Variants in BTAF1 observed in about 807,000 individuals in gnomAD.
The protein encoded by BTAF1 is TATA-binding protein-associated factor 172.
A neutral mutation model predicts 227.1 loss-of-function variants in BTAF1; 38 were observed. The observed-to-expected ratio is 0.17, with a 90% CI of 0.13 to 0.22. The LOEUF is 0.22. BTAF1 is among the 10% of genes least tolerant of loss of function. The pLI is 1.00. For synonymous variants in BTAF1, 742 were observed against 751.9 expected (o/e 0.99, Z 0.21); for missense variants, 1,598 against 2,204.0 (o/e 0.73, Z 5.51).
chr10:92,020,286 A>ATT (rs1851035401), intron 34 of BTAF1, among the ~76,000 whole-genome samples: 1 of 152,062 alleles, frequency 6.6e-6, no homozygotes, highest in African/African-American at 2.4e-5. Context: ...TGCATACTCT[A>ATT]TCATTTTGCT....
intron 37 of BTAF1, 38 bp downstream of exon 37, chr10:92,027,338 C>A: frequency 6.4e-7 from 1 of 1,550,418 alleles, no homozygotes; most frequent in Non-Finnish European, 8.7e-7. Context: ...CTTTGAGTCA[C>A]AGGCTTCCTG....
intron 4 of BTAF1, among the ~76,000 whole-genome samples, chr10:91,943,728 CTAAA>C (rs1372982762): frequency 2.0e-5 from 3 of 152,082 alleles, no homozygotes; most frequent in Non-Finnish European, 2.9e-5. Flanking sequence ...ATTTATATCA[CTAAA>C]TAGTAAGTTT....
chr10:91,993,347 C>G (rs74149350), intron 21 of BTAF1, among the ~76,000 whole-genome samples: 2,051 of 152,212 alleles, frequency 0.013, 47 homozygotes, highest in African/African-American at 0.045. Context: ...ATCACTTCAT[C>G]TATCTTCTCT....
intron 37 of BTAF1, 27 bp from the exon 38 acceptor site, chr10:92,028,763 T>A (rs768864101): frequency 5.7e-6 from 9 of 1,570,674 alleles, no homozygotes; most frequent in African/African-American, 4.2e-5. Context: ...CATTTTATTT[T>A]TTTTTTTTTT....
chr10:91,933,542 TATA>T (rs1366636389), intron 1 of BTAF1, among the ~76,000 whole-genome samples: 1 of 152,126 alleles, frequency 6.6e-6, no homozygotes, highest in African/African-American at 2.4e-5. Flanking sequence ...AACAGGGTAA[TATA>T]ATGTGCAACT....
chr10:91,944,269 C>G (rs1845215545), intron 4 of BTAF1, among the ~76,000 whole-genome samples: 1 of 152,118 alleles, frequency 6.6e-6, no homozygotes, highest in Non-Finnish European at 1.5e-5. Context: ...GCTTGCTGAA[C>G]AGTGCTTGTT....
intron 14 of BTAF1, among the ~76,000 whole-genome samples, chr10:91,968,897 C>T (rs1423326541): frequency 6.6e-6 from 1 of 151,882 alleles, no homozygotes; most frequent in Non-Finnish European, 1.5e-5. Context: ...ATTTTTGAGA[C>T]AAGGTCTCAC....
At chr10:91,994,674 T>C in intron 23 of BTAF1, 30 bp downstream of exon 23, 3 of 1,547,802 alleles carry the variant, frequency 1.9e-6, no homozygotes, top group Non-Finnish European at 2.7e-6. Flanking sequence ...GTAATATTTC[T>C]TCAAATAAAA....
At chr10:91,925,252 G>C (rs982348137) in intron 1 of BTAF1, among the ~76,000 whole-genome samples, 6 of 152,084 alleles carry the variant, frequency 3.9e-5, no homozygotes, top group African/African-American at 1.4e-4. Flanking sequence ...TGCCTTGAGA[G>C]AATACAAGTG....
At chr10:91,977,112 G>C (rs1043127114) in intron 14 of BTAF1, among the ~76,000 whole-genome samples, 2 of 152,166 alleles carry the variant, frequency 1.3e-5, no homozygotes, top group African/African-American at 4.8e-5. Flanking sequence ...GAGCAGAATG[G>C]CACTAAATAA....
intron 11 of BTAF1, among the ~76,000 whole-genome samples, chr10:91,962,165 A>G (rs964141729): frequency 4.6e-5 from 7 of 152,208 alleles, no homozygotes; most frequent in African/African-American, 1.7e-4. Context: ...CCATAAGATT[A>G]TAATACTGTA....
intron 26 of BTAF1, 62 bp downstream of exon 26, chr10:92,008,337 T>TG (rs113804327): frequency 0.26 from 348,743 of 1,356,820 alleles, 47,128 homozygotes; most frequent in African/African-American, 0.58. Flanking sequence ...GTGGGTTTGT[T>TG]GGGGGGGGCT....
At position 91,957,292 on chromosome 10, in the gene BTAF1, A is replaced by T. The variant is rs1846170322; in HGVS notation, c.899A>T (p.Glu300Val). The T allele has an allele frequency of 6.2e-7, 1 of 1,608,620 alleles. No individual in the cohort carries two copies. The highest frequency in any genetic ancestry group is 8.5e-7 in the Non-Finnish European group (1 of 1,176,238). Residue 300 changes from glutamate (E) to valine (V), a missense_variant and splice_region_variant, in exon 8 of 38, where the codon GAG (glutamate) becomes GTG (valine). This residue lies in a region of BTAF1 where 298 missense variants were observed against 395.2 expected (regional missense o/e 0.75). Coordinates refer to ENST00000265990, the MANE Select transcript of BTAF1 (RefSeq NM_003972.3). ...AATGACCTTTTTAATCCCTCCTGGG[A>T]GGTAAGATTTCTTCATTACAGTTTT... is the stretch of plus-strand genomic sequence containing the variant. ...LCNDLFNPSW[E>V]VRHGAGTGLR...
At chr10:92,004,936 C>A (rs1473345625) in intron 25 of BTAF1, among the ~76,000 whole-genome samples, 2 of 152,150 alleles carry the variant, frequency 1.3e-5, no homozygotes. Flanking sequence ...GTGTAAGATA[C>A]AAAGGTCCAG....
rs1056697978 is a variant in BTAF1, at chr10:92,031,265, T to G, written c.*2332T>G. 7.9e-5 allele frequency among the ~76,000 whole-genome samples: 12 copies of G among 152,330 alleles called. No homozygotes were observed. Among genetic ancestry groups the G allele is most frequent in the African/African-American group, 2.9e-4 (12 of 41,572 alleles). ...AATTTTTGTTTCATATATTCACTCATATATATGCTTATTGTATATGCTTAT... is the reference window on the plus strand; with the variant it reads ...AATTTTTGTTTCATATATTCACTCAGATATATGCTTATTGTATATGCTTAT... On this transcript the variant is annotated 3_prime_UTR_variant, in exon 38 of 38. Transcript: ENST00000265990.
intron 4 of BTAF1, among the ~76,000 whole-genome samples, chr10:91,944,669 G>A (rs1364746121): frequency 6.6e-6 from 1 of 152,052 alleles, no homozygotes; most frequent in South Asian, 2.1e-4. Context: ...GAACATTTTC[G>A]TCACTTTAAG....
intron 4 of BTAF1, among the ~76,000 whole-genome samples, chr10:91,947,616 A>G (rs1278456004): frequency 1.3e-5 from 2 of 151,994 alleles, no homozygotes; most frequent in Non-Finnish European, 2.9e-5. Context: ...GCATTGTAGT[A>G]AGTTCTGAAA....
chr10:91,937,225 C>T (rs1411629321), intron 2 of BTAF1, among the ~76,000 whole-genome samples: 1 of 151,934 alleles, frequency 6.6e-6, no homozygotes, highest in Non-Finnish European at 1.5e-5. Context: ...GATCTCTGGA[C>T]CTCGTGATCC....
intron 1 of BTAF1, among the ~76,000 whole-genome samples, chr10:91,924,840 G>T (rs986272737): frequency 6.6e-6 from 1 of 152,180 alleles, no homozygotes; most frequent in Non-Finnish European, 1.5e-5. Context: ...TTTTGTAAGC[G>T]GAATTTGGTG....
Sources: allele counts gnomAD v4.1 joint callset (sites outside exome capture counted in the v4.1 genomes callset), GRCh38; gene constraint gnomAD v4.1.1; regional missense constraint gnomAD v4.1.1; transcripts MANE v1.5; gene names NCBI Gene and HGNC (gene_info 2026-07-23, HGNC 2026-07-21).